ABCD3: variants seen among roughly 807,000 people sequenced by gnomAD.
The protein encoded by ABCD3 is ATP-binding cassette sub-family D member 3.
ABCD3 carries 41 observed loss-of-function variants against 105.5 expected under a neutral mutation model. The observed-to-expected ratio is 0.39, with a 90% CI of 0.30 to 0.50. ABCD3 has a LOEUF of 0.50. Ranked by LOEUF, ABCD3 falls within the 20% of genes least tolerant of loss-of-function variation. The pLI is 0.84. For missense variants in ABCD3, 622 were observed against 806.3 expected, an observed-to-expected ratio of 0.77 and a Z score of 2.77; for synonymous variants, 258 against 269.0, an observed-to-expected ratio of 0.96 and a Z score of 0.40.
intron 4 of ABCD3, among the ~76,000 whole-genome samples, chr1:94,471,624 G>C (rs929539921): frequency 6.6e-6 from 1 of 151,964 alleles, no homozygotes; most frequent in East Asian, 1.9e-4. Context: ...CCTCTGCTGT[G>C]TATGAAATTC....
At chr1:94,402,913 A>C in the ABCD3 span, among the ~76,000 whole-genome samples, 1 of 149,236 alleles carries the variant, frequency 6.7e-6, no homozygotes. Context: ...TTAACTCATC[A>C]TCTAGCATTA....
chr1:94,503,036 A>C (rs1650176751), intron 20 of ABCD3, among the ~76,000 whole-genome samples: 1 of 152,102 alleles, frequency 6.6e-6, no homozygotes, highest in Non-Finnish European at 1.5e-5. Flanking sequence ...TTAAAATCTT[A>C]TGAGATTTTT....
chr1:94,489,998 T>C (rs777783109), intron 15 of ABCD3, 23 bp downstream of exon 15: 80 of 1,592,554 alleles, frequency 5.0e-5, no homozygotes, highest in Admixed American at 6.7e-5. Flanking sequence ...AAAGGTCTTT[T>C]AGCACCATAA....
At chr1:94,480,382 A>T (rs1648976324) in intron 8 of ABCD3, 82 bp from the exon 9 acceptor site, 1 of 1,556,718 alleles carries the variant, frequency 6.4e-7, no homozygotes, top group Non-Finnish European at 8.8e-7. Context: ...GGTTAATTAT[A>T]AAAATTGTAC....
At chr1:94,441,436 G>A (rs1660131363) in intron 1 of ABCD3, among the ~76,000 whole-genome samples, 2 of 150,770 alleles carry the variant, frequency 1.3e-5, no homozygotes, top group South Asian at 4.2e-4. Flanking sequence ...TTTGTGGAGG[G>A]GAATTTGATT....
intron 4 of ABCD3, among the ~76,000 whole-genome samples, chr1:94,468,413 T>G (rs1459193699): frequency 2.0e-5 from 3 of 152,240 alleles, no homozygotes. Context: ...TTGAGCATGT[T>G]TATTAGAAGG....
intron 16 of ABCD3, among the ~76,000 whole-genome samples, chr1:94,497,935 G>C (rs373469515): frequency 6.6e-6 from 1 of 152,170 alleles, no homozygotes; most frequent in Non-Finnish European, 1.5e-5. Flanking sequence ...AAAGCAAGTT[G>C]TAGAACAGTC....
chr1:94,510,902 G>A (rs1239136292), intron 21 of ABCD3, among the ~76,000 whole-genome samples: 5 of 152,042 alleles, frequency 3.3e-5, no homozygotes, highest in African/African-American at 4.8e-5. Context: ...CGTGAGATGG[G>A]TTTCCTGAAT....
the ABCD3 span, among the ~76,000 whole-genome samples, chr1:94,394,438 A>G: frequency 3.9e-5 from 6 of 152,226 alleles, no homozygotes; most frequent in African/African-American, 1.4e-4. Flanking sequence ...CCATGTCAGT[A>G]TCTGCATACC....
intron 1 of ABCD3, among the ~76,000 whole-genome samples, chr1:94,422,169 A>G (rs1322493174): frequency 6.6e-6 from 1 of 152,022 alleles, no homozygotes; most frequent in Non-Finnish European, 1.5e-5. Flanking sequence ...CTTTTATGAT[A>G]CTGTAGGCCA....
intron 1 of ABCD3, among the ~76,000 whole-genome samples, chr1:94,431,159 A>G (rs1165579023): frequency 6.6e-6 from 1 of 152,240 alleles, no homozygotes; most frequent in African/African-American, 2.4e-5. Flanking sequence ...ACTTCTGACT[A>G]TAAATTCATT....
At chr1:94,402,621 C>A in the ABCD3 span, among the ~76,000 whole-genome samples, 1 of 152,164 alleles carries the variant, frequency 6.6e-6, no homozygotes, top group East Asian at 1.9e-4. Flanking sequence ...GTTATTGACC[C>A]AATAATGTCC....
Position 94,456,254 on chromosome 1 carries a change from AATT to A in ABCD3, c.111-2352_111-2350del, listed in dbSNP as rs1305812635. Among the ~76,000 whole-genome samples, 86 of 125,412 alleles carry A rather than the reference AATT, an allele frequency of 6.9e-4. 1 individual carries two copies. The highest frequency in any genetic ancestry group is 2.3e-3 in the African/African-American group (78 of 33,484). The allele number at this position is 125,412 out of a possible 152,430, so 82.3% of individuals were successfully genotyped here. A position where few individuals can be genotyped will look rare whatever the true frequency, so the allele number is the denominator to read the frequency against. On this transcript the variant is annotated intron_variant, in intron 1 of 22. Transcript: ENST00000370214. The stretch of plus-strand genomic sequence containing the variant: ...TCATCCATGTTGTTGCAAATGACAG[AATT>A]TTTTTTTTTTTTTTTTTTTTTTTTT...
intron 8 of ABCD3, chr1:94,478,557 G>T: frequency 6.3e-7 from 1 of 1,598,074 alleles, no homozygotes; most frequent in South Asian, 1.1e-5. Context: ...TTAAAAACCA[G>T]ACAAATGTAT....
chr1:94,476,992 T>A (rs183575063), intron 7 of ABCD3, among the ~76,000 whole-genome samples: 3 of 152,036 alleles, frequency 2.0e-5, no homozygotes. Context: ...TTTATAGACA[T>A]TATTATGTAT....
At chr1:94,399,714 C>CA in the ABCD3 span, among the ~76,000 whole-genome samples, 5 of 152,032 alleles carry the variant, frequency 3.3e-5, no homozygotes, top group Non-Finnish European at 5.9e-5. Context: ...TTGTAACAAT[C>CA]AAAAAAACAA....
chr1:94,476,450 C>G (rs1043310877), intron 7 of ABCD3, among the ~76,000 whole-genome samples: 4 of 152,190 alleles, frequency 2.6e-5, no homozygotes, highest in African/African-American at 9.6e-5. Flanking sequence ...ATCCCCTCCC[C>G]TCTTCATCTG....
chr1:94,438,325 C>A, intron 1 of ABCD3, among the ~76,000 whole-genome samples: 1 of 150,248 alleles, frequency 6.7e-6, no homozygotes, highest in African/African-American at 2.5e-5. Context: ...CACACACACA[C>A]ACACACACAC....
Position 94,499,614 on chromosome 1 carries a change from G to A in ABCD3, c.1740G>A (p.Ala580=), listed in dbSNP as rs775452501. 7.4e-6 allele frequency: 12 copies of A among 1,613,208 alleles called. No individual in the cohort carries two copies. Among genetic ancestry groups the A allele is most frequent in the African/African-American group, 1.3e-5 (1 of 74,880 alleles). The change falls in exon 20 of 23, where the codon GCG becomes GCA. Residue 580 remains alanine (A), a splice_region_variant and synonymous_variant. Coordinates refer to ENST00000370214, the MANE Select transcript of ABCD3 (RefSeq NM_002858.4). ...VLSGGEKQRM[A]MARLFYHKPQ... ...GTGGTGGAGAAAAGCAAAGAATGGC[G>A]GTAAGTATACTGTGAAGAAGTTGCA...
Sources: gnomAD v4.1 joint callset for allele counts (sites outside exome capture counted in the v4.1 genomes callset) on GRCh38, gnomAD v4.1.1 for gene constraint, MANE v1.5 for transcripts, NCBI Gene and HGNC (gene_info 2026-07-23, HGNC 2026-07-21) for gene names.